STXBP5L: variants seen among roughly 807,000 people sequenced by gnomAD.
The protein encoded by STXBP5L is syntaxin binding protein 5L.
STXBP5L carries 65 observed loss-of-function variants against 144.5 expected under a neutral mutation model. The ratio of observed to expected loss-of-function variants is 0.45; its 90% CI spans 0.37 to 0.55. The LOEUF is 0.55. Among genes scored for constraint, STXBP5L ranks in the 20% least tolerant of loss-of-function variants. The pLI is 0.00. For synonymous variants in STXBP5L, 505 were observed against 469.6 expected, an observed-to-expected ratio of 1.08 and a Z score of -0.97; for missense variants, 1,298 against 1,405.5, an observed-to-expected ratio of 0.92 and a Z score of 1.22.
At chr3:121,146,470 T>C (rs999863930) in intron 7 of STXBP5L, among the ~76,000 whole-genome samples, 1 of 151,966 alleles carries the variant, frequency 6.6e-6, no homozygotes, top group African/African-American at 2.4e-5. Flanking sequence ...ATGGGACAAA[T>C]ACAAGATAAG....
chr3:121,037,984 G>T (rs1389121199), intron 3 of STXBP5L, among the ~76,000 whole-genome samples: 1 of 151,862 alleles, frequency 6.6e-6, no homozygotes, highest in Non-Finnish European at 1.5e-5. Flanking sequence ...AATTTCTAAA[G>T]TTTTTATGGT....
chr3:120,966,563 T>C (rs558418741), intron 3 of STXBP5L, among the ~76,000 whole-genome samples: 11 of 152,170 alleles, frequency 7.2e-5, no homozygotes, highest in Non-Finnish European at 1.5e-4. Context: ...CTTTTGGAGT[T>C]TGCTGGAATT....
chr3:121,295,110 A>G (rs971802698), intron 19 of STXBP5L, among the ~76,000 whole-genome samples: 2 of 152,094 alleles, frequency 1.3e-5, no homozygotes, highest in Non-Finnish European at 2.9e-5. Flanking sequence ...GGTTTTTTTA[A>G]TTTTAGAGAA....
chr3:121,361,443 A>G (rs1366898520), intron 20 of STXBP5L, among the ~76,000 whole-genome samples: 3 of 151,864 alleles, frequency 2.0e-5, no homozygotes, highest in Admixed American at 6.6e-5. Flanking sequence ...TTTTGAGGCT[A>G]TTTTCCAGAT....
At chr3:121,345,156 CG>C (rs986893612) in intron 20 of STXBP5L, among the ~76,000 whole-genome samples, 3 of 151,956 alleles carry the variant, frequency 2.0e-5, no homozygotes, top group African/African-American at 7.3e-5. Context: ...CTATCCCTCC[CG>C]CAGCCCCCCA....
Position 121,420,415 on chromosome 3 carries a change from T to A in STXBP5L, c.*1318T>A, listed in dbSNP as rs1379567071. Reference sequence around the variant, plus strand: ...ATGCTTTTGTCCCTAGGTCAAATAATATAAGCCACTAGATTATGTCAATAG... The same window carrying A: ...ATGCTTTTGTCCCTAGGTCAAATAAAATAAGCCACTAGATTATGTCAATAG... On this transcript the variant is annotated 3_prime_UTR_variant, in exon 27 of 27. Coordinates refer to ENST00000471454, the MANE Select transcript of STXBP5L (RefSeq NM_001308330.2). 3.3e-5 allele frequency: 5 copies of A among 152,118 alleles called. No homozygotes were observed. Among genetic ancestry groups the A allele is most frequent in the Non-Finnish European group, 2.9e-5 (2 of 67,988 alleles). The allele number at this position is 152,118 out of a possible 1,614,324, so 9.4% of individuals were successfully genotyped here.
Position 121,108,189 on chromosome 3 carries a change from T to G in STXBP5L, c.471-6736T>G, listed in dbSNP as rs182380193. Among the ~76,000 whole-genome samples, 328 of 152,318 alleles carry G rather than the reference T, an allele frequency of 2.2e-3. 3 individuals are homozygous for G. The highest frequency in any genetic ancestry group is 3.5e-3 in the Non-Finnish European group (238 of 68,024). On this transcript the variant is annotated intron_variant, in intron 5 of 26. Transcript: ENST00000471454. ...ACAGTTTGACTTCCTCTCTTCCTAT[T>G]TCAATACGCTTTATTTCTTTCTCTT...
chr3:120,987,690 AT>A (rs1042441286), intron 3 of STXBP5L, among the ~76,000 whole-genome samples: 43 of 151,588 alleles, frequency 2.8e-4, no homozygotes, highest in African/African-American at 1.0e-3. Flanking sequence ...AATATTGATG[AT>A]TTTTTCCTTT....
At chr3:120,983,097 G>C (rs1374853386) in intron 3 of STXBP5L, among the ~76,000 whole-genome samples, 1 of 152,184 alleles carries the variant, frequency 6.6e-6, no homozygotes, top group Non-Finnish European at 1.5e-5. Flanking sequence ...AGCAGTGGTA[G>C]TGGTATCTGT....
chr3:121,222,976 G>A (rs760329591), intron 10 of STXBP5L, 27 bp from the exon 11 acceptor site: 102 of 1,578,116 alleles, frequency 6.5e-5, no homozygotes, highest in Non-Finnish European at 8.1e-5. Context: ...GGACTTCTGA[G>A]TCTCATTCAT....
At chr3:121,318,582 G>A in intron 20 of STXBP5L, 42 bp downstream of exon 20, 2 of 1,294,146 alleles carry the variant, frequency 1.5e-6, no homozygotes, top group East Asian at 5.3e-5. Flanking sequence ...GTAATTCACT[G>A]CAGTAATCTG....
At chr3:121,308,727 A>C (rs183852564) in intron 19 of STXBP5L, among the ~76,000 whole-genome samples, 1 of 152,232 alleles carries the variant, frequency 6.6e-6, no homozygotes, top group East Asian at 1.9e-4. Flanking sequence ...GGTAAATCAG[A>C]AGGTTATAAA....
intron 22 of STXBP5L, among the ~76,000 whole-genome samples, chr3:121,402,560 T>C: frequency 6.6e-6 from 1 of 152,210 alleles, no homozygotes; most frequent in East Asian, 1.9e-4. Context: ...CTTTGTTTGC[T>C]TTGTCATACT....
chr3:121,210,106 A>C (rs1329925737), intron 10 of STXBP5L, among the ~76,000 whole-genome samples: 1 of 151,878 alleles, frequency 6.6e-6, no homozygotes, highest in East Asian at 1.9e-4. Flanking sequence ...TTGTTTCCTG[A>C]CTTTTTAATG....
Position 121,297,679 on chromosome 3 carries a change from A to G in STXBP5L, c.2110+17723A>G, listed in dbSNP as rs373442559. Reference sequence around the variant, plus strand: ...TGAAGCATGAGAATTGCTTGAACCCAGAAGGTGGAAGTTGCAGTGAGCCAA... The same window carrying G: ...TGAAGCATGAGAATTGCTTGAACCCGGAAGGTGGAAGTTGCAGTGAGCCAA... On this transcript the variant is annotated intron_variant, in intron 19 of 26. Transcript: ENST00000471454. Among the ~76,000 whole-genome samples, 7 of 152,286 alleles carry G rather than the reference A, an allele frequency of 4.6e-5. 1 individual carries two copies. The highest frequency in any genetic ancestry group is 1.4e-4 in the African/African-American group (6 of 41,570).
intron 3 of STXBP5L, among the ~76,000 whole-genome samples, chr3:121,015,024 T>A (rs1467413470): frequency 6.6e-6 from 1 of 152,000 alleles, no homozygotes; most frequent in African/African-American, 2.4e-5. Flanking sequence ...AAGACTGAAA[T>A]CAGTGGAGAA....
At chr3:121,374,938 ACTTATAAGTGGGAG>A (rs2046138524) in intron 20 of STXBP5L, among the ~76,000 whole-genome samples, 1 of 148,708 alleles carries the variant, frequency 6.7e-6, no homozygotes, top group South Asian at 2.2e-4. Flanking sequence ...GCATATTCTA[ACTTATAAGTGGGAG>A]CTAAATAATT....
intron 22 of STXBP5L, among the ~76,000 whole-genome samples, chr3:121,406,138 A>G (rs1395525105): frequency 1.3e-5 from 2 of 151,952 alleles, no homozygotes; most frequent in Non-Finnish European, 2.9e-5. Context: ...TTTATCCCTT[A>G]ACCCTTAAAC....
At chr3:121,236,992 C>G (rs1214682355) in intron 12 of STXBP5L, among the ~76,000 whole-genome samples, 1 of 152,216 alleles carries the variant, frequency 6.6e-6, no homozygotes, top group Non-Finnish European at 1.5e-5. Flanking sequence ...ACTCCATGTC[C>G]TGCATCCTGG....
Sources: allele counts gnomAD v4.1 joint callset (sites outside exome capture counted in the v4.1 genomes callset), GRCh38; gene constraint gnomAD v4.1.1; transcripts MANE v1.5; gene names NCBI Gene and HGNC (gene_info 2026-07-23, HGNC 2026-07-21).